The following ZNF264 variants were observed in gnomAD, a reference collection of about 807,000 sequenced individuals.
ZNF264 encodes the protein zinc finger protein 264.
In ZNF264, 11 loss-of-function variants were observed where a neutral mutation model predicts 11.2. The ratio of observed to expected loss-of-function variants is 0.98; its 90% CI spans 0.62 to 1.63. ZNF264 has a LOEUF of 1.63. Ranked by LOEUF, ZNF264 falls within the 40% of genes most tolerant of loss-of-function variation. The pLI is 0.00. For synonymous variants in ZNF264, 309 were observed against 279.8 expected, an observed-to-expected ratio of 1.10 and a Z score of -1.04; for missense variants, 752 against 768.1, an observed-to-expected ratio of 0.98 and a Z score of 0.25.
chr19:57,208,135 G>A (rs1232347028), intron 3 of ZNF264, among the ~76,000 whole-genome samples: 7 of 152,344 alleles, frequency 4.6e-5, no homozygotes, highest in South Asian at 4.1e-4. Context: ...GATTACAGGC[G>A]TAAGCCACTA....
In ZNF264 at chr19:57,211,627, C is replaced by T. The variant is rs1182718368; in HGVS notation, c.530C>T (p.Ser177Phe). ...TCAAGGATTGGACAGGAGCAAGTCT[C>T]TCCAGGAGATAGAGTCCGTAGCCAT... ...VCSRIGQEQV[S>F]PGDRVRSHNS... The change falls in exon 4 of 4, where the codon TCT becomes TTT. Residue 177 changes from serine (S) to phenylalanine (F), a missense_variant. Physicochemically the swap from Ser to Phe is radical, Grantham distance 155. Transcript: ENST00000263095. 10 of 1,614,144 alleles carry T rather than the reference C, an allele frequency of 6.2e-6. No homozygotes were observed. Among genetic ancestry groups the T allele is most frequent in the South Asian group, 2.2e-5 (2 of 91,082 alleles).
intron 1 of ZNF264, chr19:57,192,272 G>A (rs1231828925): frequency 1.1e-6 from 1 of 934,836 alleles, no homozygotes; most frequent in Non-Finnish European, 1.3e-6. Context: ...GCAGTAGCAA[G>A]CCGACAAATG....
chr19:57,197,942 C>A (rs186912916), intron 2 of ZNF264, among the ~76,000 whole-genome samples: 2 of 151,938 alleles, frequency 1.3e-5, no homozygotes, highest in African/African-American at 4.9e-5. Context: ...TGGATCCAGT[C>A]GGCATAATGT....
At chr19:57,210,165 A>G (rs2087324141) in intron 3 of ZNF264, among the ~76,000 whole-genome samples, 1 of 152,152 alleles carries the variant, frequency 6.6e-6, no homozygotes, top group Non-Finnish European at 1.5e-5. Flanking sequence ...TCTTTAGACT[A>G]CAGTGTCCAG....
In ZNF264 at chr19:57,216,129, G is replaced by A. The variant is rs1256460097; in HGVS notation, c.*3148G>A. ...GCACTTTGAGACCACTAAGGCAGGT[G>A]GATCACCTGAGGCCAGGAGTTCGAG... On this transcript the variant is annotated 3_prime_UTR_variant, in exon 4 of 4. Coordinates refer to ENST00000263095, the MANE Select transcript of ZNF264 (RefSeq NM_003417.5). 2.0e-5 allele frequency: 3 copies of A among 152,294 alleles called. No homozygotes were observed. Among genetic ancestry groups the A allele is most frequent in the African/African-American group, 7.2e-5 (3 of 41,464 alleles). 9.4% of individuals were successfully genotyped at this position (152,294 alleles called of 1,614,324 possible).
At position 57,214,335 on chromosome 19, in the gene ZNF264, AGTTTTTTGTTTTTTT is replaced by A. The variant is rs959322023; in HGVS notation, c.*1366_*1380del. On this transcript the variant is annotated 3_prime_UTR_variant, in exon 4 of 4. Transcript: ENST00000263095. ...CCTGATAGTAGGGGGGACAATGTTC[AGTTTTTTGTTTTTTT>A]GTTTTTTGTTTGAGACAGGGTCTCG... 2.0e-5 allele frequency: 3 copies of A among 152,242 alleles called. No individual in the cohort carries two copies. The highest frequency in any genetic ancestry group is 7.2e-5 in the African/African-American group (3 of 41,414). The allele number at this position is 152,242 out of a possible 1,614,324, so 9.4% of individuals were successfully genotyped here.
At chr19:57,210,011 C>T (rs984591656) in intron 3 of ZNF264, among the ~76,000 whole-genome samples, 2 of 152,118 alleles carry the variant, frequency 1.3e-5, no homozygotes, top group Admixed American at 6.5e-5. Flanking sequence ...GGTCCTCTTA[C>T]CTCTTTCCTT....
At chr19:57,211,222 A>G (rs2087332359) in intron 3 of ZNF264, 132 bp from the exon 4 acceptor site, 6 of 975,838 alleles carry the variant, frequency 6.1e-6, no homozygotes, top group East Asian at 2.6e-5. Context: ...TGCAAACCCA[A>G]GAATTTGAGA....
intron 1 of ZNF264, 97 bp downstream of exon 1, chr19:57,192,043 C>G: frequency 8.4e-7 from 1 of 1,184,742 alleles, no homozygotes; most frequent in Non-Finnish European, 1.1e-6. Context: ...GATTTGTCTT[C>G]GCAGTCGTCG....
intron 3 of ZNF264, among the ~76,000 whole-genome samples, chr19:57,209,085 T>C (rs115784718): frequency 0.029 from 4,369 of 152,208 alleles, 189 homozygotes; most frequent in African/African-American, 0.098. Flanking sequence ...TTATCACTTA[T>C]ATATGCTGAA....
chr19:57,194,716 G>A (rs1026222822), intron 2 of ZNF264: 4 of 398,744 alleles, frequency 1.0e-5, no homozygotes, highest in Non-Finnish European at 1.8e-5. Flanking sequence ...CAGATTAAGG[G>A]GGGGGTCTGC....
chr19:57,216,730 T>C lies in ZNF264; in HGVS notation c.*3749T>C, dbSNP rs1005638469. On this transcript the variant is annotated 3_prime_UTR_variant, in exon 4 of 4. Coordinates refer to ENST00000263095, the MANE Select transcript of ZNF264 (RefSeq NM_003417.5). ...GCATATGTCTCTCTTAATTGGTATG[T>C]TGAAATGATTTACATTAAAATAATT... 3.9e-5 allele frequency: 6 copies of C among 152,214 alleles called. No individual in the cohort carries two copies. The highest frequency in any genetic ancestry group is 7.3e-5 in the Non-Finnish European group (5 of 68,036). 9.4% of individuals were successfully genotyped at this position (152,214 alleles called of 1,614,324 possible). A position where few individuals can be genotyped will look rare whatever the true frequency, so the allele number is the denominator to read the frequency against.
intron 3 of ZNF264, 26 bp from the exon 4 acceptor site, chr19:57,211,328 C>G: frequency 6.4e-7 from 1 of 1,563,812 alleles, no homozygotes; most frequent in Non-Finnish European, 8.7e-7. Context: ...ACTAACAGGC[C>G]CTTTTGTGTG....
In ZNF264 at chr19:57,221,879, C is replaced by T. The variant is rs1331494157; in HGVS notation, c.*8898C>T. On this transcript the variant is annotated 3_prime_UTR_variant, in exon 4 of 4. Coordinates refer to ENST00000263095, the MANE Select transcript of ZNF264 (RefSeq NM_003417.5). ...AAGCCTCCCAAAATCTAAGGTCCCA[C>T]ACTCCAGCAAGGGTGAACCTTGCAA... is the stretch of plus-strand genomic sequence containing the variant. 2 of 152,178 alleles carry T rather than the reference C, an allele frequency of 1.3e-5. No homozygotes were observed. The highest frequency in any genetic ancestry group is 4.1e-4 in the South Asian group (2 of 4,828). 9.4% of individuals were successfully genotyped at this position (152,178 alleles called of 1,614,324 possible). A position where few individuals can be genotyped will look rare whatever the true frequency, so the allele number is the denominator to read the frequency against.
rs887550125 is a variant in ZNF264 at position 57,191,578 on chromosome 19, C to G, written c.-336C>G. Reference sequence around the variant, plus strand: ...CGGGGCCGCTTTGCAGGTCCCTAGTCAGGACCGAGCAGGGGAGTAGGATAG... The same window carrying G: ...CGGGGCCGCTTTGCAGGTCCCTAGTGAGGACCGAGCAGGGGAGTAGGATAG... On this transcript the variant is annotated 5_prime_UTR_variant, in exon 1 of 4. Coordinates refer to ENST00000263095, the MANE Select transcript of ZNF264 (RefSeq NM_003417.5). The G allele has an allele frequency of 3.4e-6, 1 of 296,834 alleles. No homozygotes were observed. Among genetic ancestry groups the G allele is most frequent in the Non-Finnish European group, 6.2e-6 (1 of 161,808 alleles). 18.4% of individuals were successfully genotyped at this position (296,834 alleles called of 1,614,324 possible). A position where few individuals can be genotyped will look rare whatever the true frequency, so the allele number is the denominator to read the frequency against.
chr19:57,191,918 C>A lies in ZNF264; in HGVS notation c.5C>A (p.Ala2Glu), dbSNP rs776439848. ...TGCGGCCCAGGGGGTGACGTGATGG[C>A]GGCAGCGGTGCTGACGGACCGGGCC... is the stretch of plus-strand genomic sequence containing the variant. M[A>E]AAVLTDRAQV... The change falls in exon 1 of 4, where the codon GCG becomes GAG. Residue 2 changes from alanine (A) to glutamate (E), a missense_variant. Ala to Glu is a moderately radical substitution (Grantham distance 107). Coordinates refer to ENST00000263095, the MANE Select transcript of ZNF264 (RefSeq NM_003417.5). The A allele has an allele frequency of 1.3e-6, 2 of 1,517,074 alleles. No homozygotes were observed. The highest frequency in any genetic ancestry group is 1.2e-5 in the South Asian group (1 of 80,988). 94.0% of individuals were successfully genotyped at this position (1,517,074 alleles called of 1,614,324 possible).
chr19:57,192,320 G>A (rs932597423), intron 1 of ZNF264: 49 of 984,620 alleles, frequency 5.0e-5, no homozygotes, highest in Non-Finnish European at 5.9e-5. Flanking sequence ...GTTTAAGGAG[G>A]CTCAGGAGGG....
intron 2 of ZNF264, among the ~76,000 whole-genome samples, chr19:57,205,085 A>C (rs746298267): frequency 1.2e-4 from 19 of 152,252 alleles, no homozygotes; most frequent in Non-Finnish European, 2.5e-4. Context: ...ATTGCTTAGG[A>C]TGTAAAAAAA....
chr19:57,198,144 G>C (rs914197588), intron 2 of ZNF264, among the ~76,000 whole-genome samples: 1 of 151,998 alleles, frequency 6.6e-6, no homozygotes, highest in South Asian at 2.1e-4. Flanking sequence ...GGAGAAAAAG[G>C]CATTTGCCAA....
Sources: allele counts gnomAD v4.1 joint callset (sites outside exome capture counted in the v4.1 genomes callset), GRCh38; gene constraint gnomAD v4.1.1; transcripts MANE v1.5; gene names NCBI Gene and HGNC (gene_info 2026-07-23, HGNC 2026-07-21).